ACIN1: variants seen among roughly 807,000 people sequenced by gnomAD.
The protein encoded by ACIN1 is apoptotic chromatin condensation inducer 1.
In ACIN1, 16 loss-of-function variants were observed where a neutral mutation model predicts 146.6. The ratio of observed to expected loss-of-function variants is 0.11; its 90% CI spans 0.07 to 0.17. ACIN1 has a LOEUF of 0.17. Ranked by LOEUF, ACIN1 falls within the 10% of genes least tolerant of loss-of-function variation. The pLI is 1.00. For synonymous variants in ACIN1, 569 were observed against 582.7 expected, an observed-to-expected ratio of 0.98 and a Z score of 0.34; for missense variants, 1,357 against 1,609.3, an observed-to-expected ratio of 0.84 and a Z score of 2.68.
At chr14:23,093,893 A>C (rs2048294579) in intron 1 of ACIN1, among the ~76,000 whole-genome samples, 1 of 152,214 alleles carries the variant, frequency 6.6e-6, no homozygotes, top group East Asian at 1.9e-4. Context: ...TCATGCATGT[A>C]AAATTACTTA....
chr14:23,079,652 A>T lies in ACIN1; in HGVS notation c.1683T>A (p.Thr561=). ...TGGGTCTACCACGAGGGTTGGCATGAGTACGTGCCTGGGCTACATCTCTCT... is the reference window on the plus strand; with the variant it reads ...TGGGTCTACCACGAGGGTTGGCATGTGTACGTGCCTGGGCTACATCTCTCT... ...SKQRDVAQAR[T]HANPRGRPKM... The change falls in exon 6 of 19, where the codon ACT becomes ACA. Residue 561 remains threonine (T), a synonymous_variant. Transcript: ENST00000605057. The T allele has an allele frequency of 1.2e-6, 2 of 1,614,202 alleles. No individual in the cohort carries two copies. Among genetic ancestry groups the T allele is most frequent in the Non-Finnish European group, 8.5e-7 (1 of 1,180,020 alleles).
At chr14:23,084,445 A>G (rs2048033605) in intron 4 of ACIN1, among the ~76,000 whole-genome samples, 1 of 152,062 alleles carries the variant, frequency 6.6e-6, no homozygotes, top group Admixed American at 6.5e-5. Context: ...TCTCTACTAA[A>G]AATACAAAAA....
chr14:23,082,928 C>T lies in ACIN1; in HGVS notation c.437-1092G>A, dbSNP rs1160701897. Among the ~76,000 whole-genome samples the T allele has an allele frequency of 6.7e-5, 10 of 149,696 alleles. No homozygotes were observed. The East Asian group carries it at 8.0e-4, about 12-fold the overall frequency. On this transcript the variant is annotated intron_variant, in intron 4 of 18. Transcript: ENST00000605057. ...CTAATTTCGGTATTTTTTACAGAGG[C>T]GGGGTTTCATCATGTTGCCTAGGCT...
intron 4 of ACIN1, among the ~76,000 whole-genome samples, chr14:23,083,867 G>A (rs542414057): frequency 6.6e-6 from 1 of 152,258 alleles, no homozygotes; most frequent in East Asian, 1.9e-4. Flanking sequence ...AGTACAAAAG[G>A]TTCTGTACAC....
chr14:23,088,269 AG>A (rs1366305704), intron 4 of ACIN1, among the ~76,000 whole-genome samples: 4 of 152,214 alleles, frequency 2.6e-5, no homozygotes, highest in African/African-American at 9.7e-5. Flanking sequence ...GGATCAGCTG[AG>A]GGTCTACTAC....
chr14:23,065,318 T>C (rs897908382), intron 10 of ACIN1, among the ~76,000 whole-genome samples: 1 of 152,252 alleles, frequency 6.6e-6, no homozygotes, highest in African/African-American at 2.4e-5. Context: ...TCAGGCACGA[T>C]GGCTCACGCC....
At chr14:23,063,200 A>G (rs1480074317) in intron 13 of ACIN1, 126 bp from the exon 14 acceptor site, 28 of 1,197,916 alleles carry the variant, frequency 2.3e-5, no homozygotes, top group Non-Finnish European at 3.5e-6. Flanking sequence ...AAACGTGCAG[A>G]GCACCTATAA....
chr14:23,078,044 T>G, intron 8 of ACIN1, 107 bp downstream of exon 8: 1 of 972,202 alleles, frequency 1.0e-6, no homozygotes, highest in Non-Finnish European at 1.6e-6. Context: ...TCTGCCTTTA[T>G]GTTTTAAAAG....
At position 23,079,856 on chromosome 14, in the gene ACIN1, A is replaced by G. The variant is rs747441431; in HGVS notation, c.1479T>C (p.Ser493=). 2 of 1,614,228 alleles carry G rather than the reference A, an allele frequency of 1.2e-6. No individual in the cohort carries two copies. The highest frequency in any genetic ancestry group is 8.5e-7 in the Non-Finnish European group (1 of 1,180,038). The change falls in exon 6 of 19, where the codon TCT becomes TCC. Residue 493 remains serine (S), a synonymous_variant. Transcript: ENST00000605057. ...CTCTTCTGCCTTCCTTCTGTTCCAA[A>G]GATGGCTGTTTCAGACATTCTTCAG... ...GITEECLKQP[S]LEQKEGRRAS... is the part of the protein sequence containing the mutation.
At chr14:23,071,216 CA>C (rs1187081263) in intron 8 of ACIN1, 34 of 1,510,604 alleles carry the variant, frequency 2.3e-5, no homozygotes, top group Admixed American at 1.0e-4. Flanking sequence ...AAAAACCAAA[CA>C]AAAAAAATCC....
intron 8 of ACIN1, among the ~76,000 whole-genome samples, chr14:23,077,215 C>T (rs1168816010): frequency 6.6e-6 from 1 of 152,206 alleles, no homozygotes; most frequent in African/African-American, 2.4e-5. Flanking sequence ...GTTTGAAGCT[C>T]TCAGAAGAGT....
At chr14:23,094,563 A>C in intron 1 of ACIN1, 1 of 984,076 alleles carries the variant, frequency 1.0e-6, no homozygotes. Flanking sequence ...TACCAACCCC[A>C]TCCACCCCTT....
Position 23,062,615 on chromosome 14 carries a change from T to A in ACIN1, c.2884-92A>T, listed in dbSNP as rs1318729659. 8 of 1,261,596 alleles carry A rather than the reference T, an allele frequency of 6.3e-6. No individual in the cohort carries two copies. The East Asian group carries it at 1.6e-4, about 26-fold the overall frequency. The allele number at this position is 1,261,596 out of a possible 1,614,324, so 78.2% of individuals were successfully genotyped here. On this transcript the variant is annotated intron_variant, in intron 14 of 18. Transcript: ENST00000605057. Reference sequence around the variant, plus strand: ...CCGAGCTGCTGTCACAGGAGTATAGTTTCAAGGTTTGGGGGAGGGCAGAGA... The same window carrying A: ...CCGAGCTGCTGTCACAGGAGTATAGATTCAAGGTTTGGGGGAGGGCAGAGA...
At position 23,079,046 on chromosome 14, in the gene ACIN1, AAAATG is replaced by A. The variant is rs2047874004; in HGVS notation, c.1789-13_1789-9del. 1 of 1,610,468 alleles carries A rather than the reference AAAATG, an allele frequency of 6.2e-7. No individual in the cohort carries two copies. The highest frequency in any genetic ancestry group is 2.2e-5 in the East Asian group (1 of 44,826). ...GACTCCAGGGCTCAGAGACTAAAAC[AAAATG>A]AAACACATAACAAGGAAAATTATTG... On this transcript the variant is annotated splice_polypyrimidine_tract_variant and intron_variant, in intron 6 of 18. Coordinates refer to ENST00000605057, the MANE Select transcript of ACIN1 (RefSeq NM_001386863.1).
At position 23,084,323 on chromosome 14, in the gene ACIN1, G is replaced by A. The variant is rs112526173; in HGVS notation, c.437-2487C>T. ...GTAATAATAATTAAAAAATCAAAAT[G>A]AGGCTGGGCACGGTGGCTCATGCCT... is the stretch of plus-strand genomic sequence containing the variant. On this transcript the variant is annotated intron_variant, in intron 4 of 18. Transcript: ENST00000605057. Among the ~76,000 whole-genome samples, 1,034 of 152,228 alleles carry A rather than the reference G, an allele frequency of 6.8e-3. 5 individuals carry two copies. Among genetic ancestry groups the A allele is most frequent in the Middle Eastern group, 0.027 (8 of 294 alleles).
At position 23,084,334 on chromosome 14, in the gene ACIN1, C is replaced by T. The variant is rs575409398; in HGVS notation, c.437-2498G>A. On this transcript the variant is annotated intron_variant, in intron 4 of 18. Coordinates refer to ENST00000605057, the MANE Select transcript of ACIN1 (RefSeq NM_001386863.1). Reference sequence around the variant, plus strand: ...TAAAAAATCAAAATGAGGCTGGGCACGGTGGCTCATGCCTGTAATCTCAGC... The same window carrying T: ...TAAAAAATCAAAATGAGGCTGGGCATGGTGGCTCATGCCTGTAATCTCAGC... Among the ~76,000 whole-genome samples the T allele has an allele frequency of 5.9e-5, 9 of 152,216 alleles. No individual in the cohort carries two copies. The East Asian group carries it at 9.6e-4, about 16-fold the overall frequency.
intron 18 of ACIN1, among the ~76,000 whole-genome samples, chr14:23,060,587 A>G (rs1265542299): frequency 6.6e-6 from 1 of 151,510 alleles, no homozygotes; most frequent in Non-Finnish European, 1.5e-5. Context: ...GTCTCTGCTC[A>G]CTGCAACCTC....
Position 23,067,254 on chromosome 14 carries a change from A to G in ACIN1, c.2266-1246T>C. On this transcript the variant is annotated intron_variant, in intron 9 of 18. Transcript: ENST00000605057. The surrounding 1 kb of genome is among the most constrained non-coding windows in gnomAD (Gnocchi z 4.6). ...AAAATAAAATATTAAAAAAAGAAGAAGAAAATAAAGAAGAAAATAAACTAG... is the reference window on the plus strand; with the variant it reads ...AAAATAAAATATTAAAAAAAGAAGAGGAAAATAAAGAAGAAAATAAACTAG... 1.1e-6 allele frequency: 1 copy of G among 940,740 alleles called. No homozygotes were observed. Among genetic ancestry groups the G allele is most frequent in the South Asian group, 4.9e-5 (1 of 20,274 alleles). The allele number at this position is 940,740 out of a possible 1,614,324, so 58.3% of individuals were successfully genotyped here.
chr14:23,064,065 C>T lies in ACIN1; in HGVS notation c.2595+40G>A, dbSNP rs746698786. ...TCAGCTAGCTGCTCTGCATCTACTG[C>T]TCCCACCTTTCCCCTGACACTGGGG... On this transcript the variant is annotated intron_variant, in intron 12 of 18. Transcript: ENST00000605057. The T allele has an allele frequency of 3.1e-6, 5 of 1,611,450 alleles. No individual in the cohort carries two copies. The African/African-American group carries it at 4.0e-5, about 13-fold the overall frequency.
Sources: gnomAD v4.1 joint callset for allele counts (sites outside exome capture counted in the v4.1 genomes callset) on GRCh38, gnomAD v4.1.1 for gene constraint, Gnocchi (gnomAD v3.1) non-coding constraint, MANE v1.5 for transcripts, NCBI Gene and HGNC (gene_info 2026-07-23, HGNC 2026-07-21) for gene names.